NDE1: variants seen among roughly 807,000 people sequenced by gnomAD.
NDE1 encodes the protein nuclear distribution protein nudE homolog 1.
NDE1 carries 28 observed loss-of-function variants against 43.4 expected under a neutral mutation model. That is an observed-to-expected ratio of 0.65 (90% CI 0.48 to 0.89). NDE1 has a LOEUF of 0.89. NDE1 is among the 40% of genes least tolerant of loss of function. The pLI is 0.00. For synonymous variants in NDE1, 184 were observed against 172.0 expected, an observed-to-expected ratio of 1.07 and a Z score of -0.55; for missense variants, 441 against 434.1, an observed-to-expected ratio of 1.02 and a Z score of -0.14.
chr16:15,718,582 G>A (rs1017251694), intron 8 of NDE1: 17 of 1,251,692 alleles, frequency 1.4e-5, no homozygotes, highest in African/African-American at 4.5e-5. Flanking sequence ...AGACTCATCT[G>A]TAGTTACACA....
intron 3 of NDE1, 63 bp downstream of exon 3, chr16:15,667,502 T>C: frequency 6.3e-7 from 1 of 1,594,942 alleles, no homozygotes; most frequent in Non-Finnish European, 8.6e-7. Flanking sequence ...CATGGCATGC[T>C]TGGCTGGAAG....
intron 8 of NDE1, among the ~76,000 whole-genome samples, chr16:15,705,756 C>T (rs892393181): frequency 1.3e-5 from 2 of 151,812 alleles, no homozygotes. Context: ...CTGAGGCGGG[C>T]GGATCATGAG....
chr16:15,710,020 C>T (rs1212592860), intron 8 of NDE1, among the ~76,000 whole-genome samples: 1 of 152,210 alleles, frequency 6.6e-6, no homozygotes, highest in Non-Finnish European at 1.5e-5. Context: ...GCATGCTTAC[C>T]AACCTCCCTC....
At chr16:15,674,190 C>T (rs2037746524) in intron 3 of NDE1, among the ~76,000 whole-genome samples, 1 of 152,050 alleles carries the variant, frequency 6.6e-6, no homozygotes. Flanking sequence ...TGTCTCTCTC[C>T]TCTCCTTTTC....
chr16:15,654,516 G>T (rs1278836933), intron 1 of NDE1, among the ~76,000 whole-genome samples: 1 of 146,960 alleles, frequency 6.8e-6, no homozygotes, highest in Admixed American at 7.2e-5. Flanking sequence ...TAGGAGAATC[G>T]CTTGAAGCTG....
intron 8 of NDE1, among the ~76,000 whole-genome samples, chr16:15,701,021 A>AG (rs768241352): frequency 3.9e-5 from 6 of 152,000 alleles, no homozygotes; most frequent in Non-Finnish European, 7.4e-5. Flanking sequence ...GGATTACCTG[A>AG]GGTCAGGAGT....
At position 15,704,130 on chromosome 16, in the gene NDE1, G is replaced by A. The variant is rs762461340; in HGVS notation, c.947+7270G>A. On this transcript the variant is annotated intron_variant, in intron 8 of 8. Coordinates refer to ENST00000396354, the MANE Select transcript of NDE1 (RefSeq NM_017668.3). ...AGAGGTCTCGTTTCCTCGCCTGTGG[G>A]TTGTAAGAAAACACATTATTTAGCA... is the stretch of plus-strand genomic sequence containing the variant. The A allele has an allele frequency of 2.5e-6, 4 of 1,613,848 alleles. No homozygotes were observed. The highest frequency in any genetic ancestry group is 3.4e-6 in the Non-Finnish European group (4 of 1,179,888).
intron 8 of NDE1, among the ~76,000 whole-genome samples, chr16:15,720,639 C>G (rs900670625): frequency 4.6e-5 from 7 of 151,808 alleles, no homozygotes; most frequent in African/African-American, 1.7e-4. Context: ...GTAATCCAAG[C>G]TACTCGGGAG....
At position 15,694,212 on chromosome 16, in the gene NDE1, A is replaced by G. The variant is rs1324876300; in HGVS notation, c.751A>G (p.Ile251Val). The stretch of plus-strand genomic sequence containing the variant: ...GACCCCCCTCACACCTGCGGCCCGG[A>G]TATCAGCCCTCAACATTGTGGGAGA... ...GGTPLTPAAR[I>V]SALNIVGDLL... Residue 251 changes from isoleucine to valine, a missense_variant, in exon 7 of 9, where the codon ATA becomes GTA. Transcript: ENST00000396354. The G allele has an allele frequency of 1.2e-6, 2 of 1,613,488 alleles. No homozygotes were observed. The highest frequency in any genetic ancestry group is 1.3e-5 in the African/African-American group (1 of 75,010).
intron 8 of NDE1, chr16:15,719,808 C>T (rs541844258): frequency 1.3e-6 from 2 of 1,545,158 alleles, no homozygotes; most frequent in South Asian, 1.1e-5. Context: ...CTTGGATTTT[C>T]TGCAGTTGAC....
At chr16:15,676,223 TG>T (rs1218154924) in intron 3 of NDE1, among the ~76,000 whole-genome samples, 1 of 103,982 alleles carries the variant, frequency 9.6e-6, no homozygotes, top group South Asian at 3.6e-4. Flanking sequence ...TTTGTTTTTC[TG>T]GTTTTTTTTT....
intron 7 of NDE1, chr16:15,694,624 A>C: frequency 3.0e-6 from 3 of 985,288 alleles, no homozygotes; most frequent in Non-Finnish European, 3.6e-6. Context: ...CTGGGATTAC[A>C]GGCATGAGCC....
chr16:15,667,779 C>T (rs2037392595), intron 3 of NDE1, among the ~76,000 whole-genome samples: 1 of 151,630 alleles, frequency 6.6e-6, no homozygotes, highest in Admixed American at 6.6e-5. Flanking sequence ...TTATAGGCGC[C>T]TGCTACCACG....
At chr16:15,666,812 T>C (rs1871986546) in intron 2 of NDE1, among the ~76,000 whole-genome samples, 1 of 152,138 alleles carries the variant, frequency 6.6e-6, no homozygotes, top group Admixed American at 6.6e-5. Context: ...TCTGTAGAGA[T>C]GAGGTCTTAC....
At chr16:15,703,372 A>AG (rs1389602527) in intron 8 of NDE1, 2 of 237,404 alleles carry the variant, frequency 8.4e-6, no homozygotes, top group Admixed American at 5.1e-5. Flanking sequence ...ATGAATTGGG[A>AG]GTGGGGGCCG....
Position 15,725,338 on chromosome 16 carries a change from C to T in NDE1, c.*1087C>T. 1 of 561,044 alleles carries T rather than the reference C, an allele frequency of 1.8e-6. No homozygotes were observed. The highest frequency in any genetic ancestry group is 3.1e-6 in the Non-Finnish European group (1 of 318,438). The allele number at this position is 561,044 out of a possible 1,614,324, so 34.8% of individuals were successfully genotyped here. A position where few individuals can be genotyped will look rare whatever the true frequency, so the allele number is the denominator to read the frequency against. ...GGTTGGTAGAGACAAAGCAGCAGGT[C>T]TGAGAGTCCAGACGAGGTGCTCTGG... On this transcript the variant is annotated 3_prime_UTR_variant, in exon 9 of 9. Coordinates refer to ENST00000396354, the MANE Select transcript of NDE1 (RefSeq NM_017668.3).
chr16:15,651,072 C>T (rs1299532056), intron 1 of NDE1, among the ~76,000 whole-genome samples: 3 of 152,198 alleles, frequency 2.0e-5, no homozygotes, highest in Non-Finnish European at 4.4e-5. Flanking sequence ...TGGGAAACCC[C>T]GCTGTCACCT....
intron 4 of NDE1, among the ~76,000 whole-genome samples, chr16:15,678,757 T>A (rs932785024): frequency 3.3e-5 from 5 of 152,150 alleles, no homozygotes; most frequent in Non-Finnish European, 5.9e-5. Flanking sequence ...TTTTAAAAAA[T>A]TTATATATGA....
intron 8 of NDE1, chr16:15,699,622 C>T (rs1209096271): frequency 2.4e-6 from 3 of 1,251,832 alleles, no homozygotes; most frequent in African/African-American, 1.6e-5. Flanking sequence ...CCCTGTGAGA[C>T]CCTGCTCCTG....
Sources: gnomAD v4.1 joint callset for allele counts (sites outside exome capture counted in the v4.1 genomes callset) on GRCh38, gnomAD v4.1.1 for gene constraint, MANE v1.5 for transcripts, NCBI Gene and HGNC (gene_info 2026-07-23, HGNC 2026-07-21) for gene names.